Variants in UTP20 observed in about 807,000 individuals in gnomAD.
The protein encoded by UTP20 is UTP20 small subunit processome component.
UTP20 carries 164 observed loss-of-function variants against 329.5 expected under a neutral mutation model. The observed-to-expected ratio is 0.50, with a 90% CI of 0.44 to 0.57. The LOEUF is 0.57. Ranked by LOEUF, UTP20 falls within the 20% of genes least tolerant of loss-of-function variation. The pLI is 0.00. For synonymous variants in UTP20, 1,151 were observed against 1,159.3 expected (o/e 0.99, Z 0.14); for missense variants, 3,055 against 3,284.2 (o/e 0.93, Z 1.71).
At chr12:101,334,223 C>A (rs1868860605) in intron 28 of UTP20, among the ~76,000 whole-genome samples, 1 of 152,170 alleles carries the variant, frequency 6.6e-6, no homozygotes, top group Non-Finnish European at 1.5e-5. Flanking sequence ...CTAGCACTTC[C>A]ATGCATCACC....
At chr12:101,335,992 G>C (rs1277394035) in intron 29 of UTP20, among the ~76,000 whole-genome samples, 2 of 152,126 alleles carry the variant, frequency 1.3e-5, no homozygotes, top group Non-Finnish European at 2.9e-5. Flanking sequence ...CTTTACAATA[G>C]AGATTCATTT....
intron 26 of UTP20, among the ~76,000 whole-genome samples, chr12:101,327,937 C>T (rs146764825): frequency 6.6e-6 from 1 of 152,212 alleles, no homozygotes; most frequent in South Asian, 2.1e-4. Flanking sequence ...CTTGATTATC[C>T]CCATTTTACA....
At chr12:101,331,743 C>A (rs1868768173) in intron 27 of UTP20, among the ~76,000 whole-genome samples, 1 of 152,018 alleles carries the variant, frequency 6.6e-6, no homozygotes, top group Admixed American at 6.5e-5. Context: ...TTTGTGTTGT[C>A]TTTATAAATT....
intron 38 of UTP20, among the ~76,000 whole-genome samples, chr12:101,347,895 C>T (rs1220127324): frequency 6.6e-6 from 1 of 152,138 alleles, no homozygotes; most frequent in African/African-American, 2.4e-5. Context: ...GTAGCGTGAT[C>T]TCAGCTCACT....
chr12:101,320,463 G>A (rs1280083311), intron 23 of UTP20, among the ~76,000 whole-genome samples: 1 of 152,064 alleles, frequency 6.6e-6, no homozygotes, highest in East Asian at 1.9e-4. Context: ...GGCTGAGGCA[G>A]GAGAATCGTT....
intron 43 of UTP20, 27 bp from the exon 44 acceptor site, chr12:101,361,935 A>G (rs1314385484): frequency 2.6e-6 from 4 of 1,556,902 alleles, no homozygotes; most frequent in South Asian, 1.1e-5. Flanking sequence ...GTTAATATTC[A>G]TGTTGTTGCT....
chr12:101,362,059 A>G lies in UTP20; in HGVS notation c.5789A>G (p.Glu1930Gly). 1 of 1,610,570 alleles carries G rather than the reference A, an allele frequency of 6.2e-7. No individual in the cohort carries two copies. Among genetic ancestry groups the G allele is most frequent in the South Asian group, 1.1e-5 (1 of 90,716 alleles). ...GACTCTTGTTTAGATATAATGATTG[A>G]GGTAAGACTTACAGAAACGAATTCT... Reference protein sequence around the residue: ...DLDSCLDIMIEIFNHELFGAV... With the variant: ...DLDSCLDIMIGIFNHELFGAV... Residue 1930 changes from glutamate to glycine, a missense_variant and splice_region_variant, in exon 44 of 62, where the codon GAG (glutamate) becomes GGG (glycine). Glu to Gly is a moderately conservative substitution (Grantham distance 98). Coordinates refer to ENST00000261637, the MANE Select transcript of UTP20 (RefSeq NM_014503.3).
chr12:101,280,210 TTCCCCTCCTTACTGTCGGTTGCA>T lies in UTP20; in HGVS notation c.-68_-46del, dbSNP rs1345732706. The T allele has an allele frequency of 3.1e-5, 48 of 1,535,384 alleles. 1 individual carries two copies. In the South Asian group the frequency reaches 5.5e-4, roughly 18 times the overall value. On this transcript the variant is annotated 5_prime_UTR_variant, in exon 1 of 62. Coordinates refer to ENST00000261637, the MANE Select transcript of UTP20 (RefSeq NM_014503.3). ...CGGAGAGTATAGCCTGTGAGCCGCT[TTCCCCTCCTTACTGTCGGTTGCA>T]TCCCTTCGACACTCCCGAGGCCGTC...
intron 6 of UTP20, among the ~76,000 whole-genome samples, chr12:101,289,362 G>C (rs1312114753): frequency 6.8e-6 from 1 of 146,440 alleles, no homozygotes; most frequent in African/African-American, 2.5e-5. Flanking sequence ...AGGCGACAGA[G>C]CAAGACTCCA....
intron 60 of UTP20, among the ~76,000 whole-genome samples, chr12:101,384,266 G>A (rs932949867): frequency 8.5e-5 from 13 of 152,162 alleles, no homozygotes; most frequent in African/African-American, 2.7e-4. Flanking sequence ...TATAGGCTGG[G>A]CGTAGTGGCT....
Position 101,363,701 on chromosome 12 carries a change from A to G in UTP20, c.5916A>G (p.Val1972=), listed in dbSNP as rs1870001871. 3 of 1,612,398 alleles carry G rather than the reference A, an allele frequency of 1.9e-6. No individual in the cohort carries two copies. The highest frequency in any genetic ancestry group is 2.5e-6 in the Non-Finnish European group (3 of 1,178,502). ...YDSYEILGKF[V]GKDQVTKLIL... ...CTTATGAAATCCTCGGCAAGTTTGT[A>G]GGAAAAGATCAGGTTACAAAACTCA... The change falls in exon 45 of 62, where the codon GTA becomes GTG. Residue 1972 remains valine (V), a synonymous_variant. Coordinates refer to ENST00000261637, the MANE Select transcript of UTP20 (RefSeq NM_014503.3).
chr12:101,303,769 G>A (rs538798951), intron 15 of UTP20, among the ~76,000 whole-genome samples: 11 of 152,288 alleles, frequency 7.2e-5, no homozygotes, highest in South Asian at 4.1e-4. Flanking sequence ...GAATCACTCC[G>A]GCTGCTGTGT....
intron 21 of UTP20, among the ~76,000 whole-genome samples, chr12:101,315,812 T>A (rs1299529549): frequency 6.6e-5 from 10 of 152,188 alleles, no homozygotes. Context: ...CTTCATACCA[T>A]GTTAATTTTC....
In UTP20 at chr12:101,362,049, A is replaced by G. The variant is rs1869942105; in HGVS notation, c.5779A>G (p.Ile1927Val). Residue 1927 changes from isoleucine to valine, a missense_variant, in exon 44 of 62, where the codon ATA becomes GTA. By Grantham distance (29) the Ile-to-Val change is conservative. This residue lies in a region of UTP20 where 2,445 missense variants were observed against 2,575.5 expected (regional missense o/e 0.95). Coordinates refer to ENST00000261637, the MANE Select transcript of UTP20 (RefSeq NM_014503.3). ...CGGAGATTTGGACTCTTGTTTAGATATAATGATTGAGGTAAGACTTACAGA... is the reference window on the plus strand; with the variant it reads ...CGGAGATTTGGACTCTTGTTTAGATGTAATGATTGAGGTAAGACTTACAGA... ...QVGDLDSCLD[I>V]MIEIFNHELF... 6.2e-7 allele frequency: 1 copy of G among 1,612,682 alleles called. No homozygotes were observed. The highest frequency in any genetic ancestry group is 1.3e-5 in the African/African-American group (1 of 74,838).
chr12:101,298,160 C>A (rs1464283575), intron 12 of UTP20, among the ~76,000 whole-genome samples: 2 of 152,134 alleles, frequency 1.3e-5, no homozygotes, highest in Admixed American at 1.3e-4. Flanking sequence ...CAACTACTTA[C>A]GGTATCAGGC....
chr12:101,352,453 T>G (rs1869561917), intron 39 of UTP20, among the ~76,000 whole-genome samples: 1 of 152,198 alleles, frequency 6.6e-6, no homozygotes, highest in African/African-American at 2.4e-5. Flanking sequence ...TTTCTAGTTC[T>G]AGATCCCTGA....
chr12:101,386,165 T>C lies in UTP20; in HGVS notation c.*42T>C. 6.4e-7 allele frequency: 1 copy of C among 1,560,952 alleles called. No homozygotes were observed. The highest frequency in any genetic ancestry group is 8.6e-7 in the Non-Finnish European group (1 of 1,159,970). On this transcript the variant is annotated 3_prime_UTR_variant, in exon 62 of 62. Transcript: ENST00000261637. ...TACAAGCATGAACTTTCTGGAATAT[T>C]CTGCTAGTCTGAAATTACAGTAGGT... is the stretch of plus-strand genomic sequence containing the variant.
At chr12:101,384,473 C>A (rs542550303) in intron 60 of UTP20, among the ~76,000 whole-genome samples, 12 of 152,162 alleles carry the variant, frequency 7.9e-5, no homozygotes, top group Non-Finnish European at 1.5e-4. Context: ...GCTGTGAGGT[C>A]GAGGCTTCAG....
In UTP20 at chr12:101,293,162, T is replaced by C; in HGVS notation, c.1174-6T>C. 1 of 1,613,644 alleles carries C rather than the reference T, an allele frequency of 6.2e-7. No individual in the cohort carries two copies. ...CTTACATTAATATTTTTTACCTTGGTCACAGATATTTGAGAGCAGATTTGA... is the reference window on the plus strand; with the variant it reads ...CTTACATTAATATTTTTTACCTTGGCCACAGATATTTGAGAGCAGATTTGA... On this transcript the variant is annotated splice_polypyrimidine_tract_variant and splice_region_variant and intron_variant, in intron 10 of 61. Transcript: ENST00000261637.
Sources: gnomAD v4.1 joint callset for allele counts (sites outside exome capture counted in the v4.1 genomes callset) on GRCh38, gnomAD v4.1.1 for gene constraint, gnomAD v4.1.1 regional missense constraint, MANE v1.5 for transcripts, NCBI Gene and HGNC (gene_info 2026-07-23, HGNC 2026-07-21) for gene names.